The following USH2A variants were observed in gnomAD, a reference collection of about 807,000 sequenced individuals.
The protein encoded by USH2A is Usher syndrome 2A (autosomal recessive, mild).
USH2A carries 443 observed loss-of-function variants against 538.9 expected under a neutral mutation model. That is an observed-to-expected ratio of 0.82 (90% CI 0.76 to 0.89). The LOEUF (loss-of-function observed/expected upper bound fraction) is 0.89, where lower values mean the gene tolerates loss of function less well. Ranked by LOEUF, USH2A falls within the 40% of genes least tolerant of loss-of-function variation. USH2A has a pLI of 0.00. For missense variants in USH2A, 6,633 were observed against 6,324.8 expected (o/e 1.05, Z -1.65); for synonymous variants, 2,413 against 2,273.5 (o/e 1.06, Z -1.75).
At position 215,697,713 on chromosome 1, in the gene USH2A, G is replaced by A. The variant is rs191378989; in HGVS notation, c.12067-17337C>T. On this transcript the variant is annotated intron_variant, in intron 61 of 71. Coordinates refer to ENST00000307340, the MANE Select transcript of USH2A (RefSeq NM_206933.4). ...ATTTTGTATTTTTAGTAGAGATGGC[G>A]TTTCTCCATGTTGGTCAGGCTGGTC... Among the ~76,000 whole-genome samples, 13 of 152,160 alleles carry A rather than the reference G, an allele frequency of 8.5e-5. No individual in the cohort carries two copies. In the East Asian group the frequency reaches 1.2e-3, roughly 14 times the overall value.
intron 3 of USH2A, among the ~76,000 whole-genome samples, chr1:216,401,795 C>T (rs1336801225): frequency 4.6e-5 from 7 of 152,014 alleles, no homozygotes. Context: ...CTTTAACATG[C>T]ATGAAGCAAG....
At chr1:215,979,424 G>A (rs1333530739) in intron 35 of USH2A, among the ~76,000 whole-genome samples, 2 of 152,134 alleles carry the variant, frequency 1.3e-5, no homozygotes, top group Admixed American at 6.6e-5. Context: ...ATGCACAGGA[G>A]ACCATTAGTG....
At chr1:216,341,945 T>C (rs1450873447) in intron 4 of USH2A, among the ~76,000 whole-genome samples, 1 of 152,086 alleles carries the variant, frequency 6.6e-6, no homozygotes, top group African/African-American at 2.4e-5. Context: ...GGCAAAGATT[T>C]CATGTCAAAA....
chr1:215,659,344 G>A (rs1398814550), intron 64 of USH2A, among the ~76,000 whole-genome samples: 1 of 152,150 alleles, frequency 6.6e-6, no homozygotes, highest in African/African-American at 2.4e-5. Flanking sequence ...AGGCCAGTGT[G>A]GCTGACCTTA....
At chr1:215,987,890 T>TA (rs1165155820) in intron 35 of USH2A, among the ~76,000 whole-genome samples, 3 of 152,194 alleles carry the variant, frequency 2.0e-5, no homozygotes, top group African/African-American at 7.2e-5. Flanking sequence ...CACCCTTGTT[T>TA]AAAAAATGCA....
At chr1:216,394,671 A>G (rs2039173333) in intron 3 of USH2A, among the ~76,000 whole-genome samples, 3 of 151,432 alleles carry the variant, frequency 2.0e-5, no homozygotes, top group Admixed American at 1.3e-4. Context: ...CTAAATTGTC[A>G]ATTTGTCATA....
chr1:216,194,857 G>T (rs945879525), intron 19 of USH2A, among the ~76,000 whole-genome samples: 5 of 152,166 alleles, frequency 3.3e-5, no homozygotes, highest in Admixed American at 3.3e-4. Flanking sequence ...AGGCGGAAAG[G>T]GCTCTGCACC....
In USH2A at chr1:216,381,200, G is replaced by C. The variant is rs370634355; in HGVS notation, c.652-16115C>G. Reference sequence around the variant, plus strand: ...AAGAGGGAGAGGGAAAAGTGTACAAGCTAGAAGCAACTGAATAAGGCAAAC... The same window carrying C: ...AAGAGGGAGAGGGAAAAGTGTACAACCTAGAAGCAACTGAATAAGGCAAAC... On this transcript the variant is annotated intron_variant, in intron 3 of 71. Transcript: ENST00000307340. Among the ~76,000 whole-genome samples the C allele has an allele frequency of 1.9e-3, 283 of 152,144 alleles. 14 individuals are homozygous for C. In the South Asian group the frequency reaches 0.057, roughly 31 times the overall value.
intron 11 of USH2A, among the ~76,000 whole-genome samples, chr1:216,283,935 C>T (rs2036833704): frequency 6.6e-6 from 1 of 152,004 alleles, no homozygotes; most frequent in African/African-American, 2.4e-5. Context: ...CATGTTGGTG[C>T]CATAGCTTGG....
At chr1:215,788,099 T>C (rs1661856080) in intron 51 of USH2A, among the ~76,000 whole-genome samples, 1 of 152,006 alleles carries the variant, frequency 6.6e-6, no homozygotes, top group Admixed American at 6.6e-5. Context: ...AAAGCCCAAC[T>C]AAATGACAGT....
Position 216,325,614 on chromosome 1 carries a change from AG to A in USH2A, c.849-16del. The A allele has an allele frequency of 6.2e-7, 1 of 1,611,566 alleles. No homozygotes were observed. The highest frequency in any genetic ancestry group is 8.5e-7 in the Non-Finnish European group (1 of 1,179,064). ...CCAGAATCTCTCTGTGGGAGTCAAGAGGGAGACTGTAAGGACAAAGAGCTTA... is the reference window on the plus strand; with the variant it reads ...CCAGAATCTCTCTGTGGGAGTCAAGAGGAGACTGTAAGGACAAAGAGCTTA... On this transcript the variant is annotated splice_polypyrimidine_tract_variant and intron_variant, in intron 5 of 71. Coordinates refer to ENST00000307340, the MANE Select transcript of USH2A (RefSeq NM_206933.4).
chr1:215,889,171 G>T, intron 40 of USH2A, 117 bp from the exon 41 acceptor site: 1 of 1,221,054 alleles, frequency 8.2e-7, no homozygotes, highest in Non-Finnish European at 1.2e-6. Flanking sequence ...CTTGGTAAAG[G>T]CCAATAAGTA....
chr1:216,165,784 G>A (rs2034155223), intron 21 of USH2A, among the ~76,000 whole-genome samples: 1 of 147,406 alleles, frequency 6.8e-6, no homozygotes, highest in Admixed American at 6.9e-5. Context: ...CAGTCTACAT[G>A]AAACATAGAT....
intron 14 of USH2A, among the ~76,000 whole-genome samples, chr1:216,221,148 C>A (rs1230036308): frequency 6.6e-6 from 1 of 152,062 alleles, no homozygotes; most frequent in African/African-American, 2.4e-5. Flanking sequence ...GATAGGACAC[C>A]GGAGATTAAT....
In USH2A at chr1:216,251,108, A is replaced by G; in HGVS notation, c.1972-10T>C. 2 of 1,613,736 alleles carry G rather than the reference A, an allele frequency of 1.2e-6. No homozygotes were observed. Among genetic ancestry groups the G allele is most frequent in the Non-Finnish European group, 1.7e-6 (2 of 1,179,814 alleles). On this transcript the variant is annotated splice_polypyrimidine_tract_variant and intron_variant, in intron 11 of 71. Transcript: ENST00000307340. Reference sequence around the variant, plus strand: ...TACACTGTCCTCCAATCTAGAGAAGATACAACATTTTGTAGAATGATGAAC... The same window carrying G: ...TACACTGTCCTCCAATCTAGAGAAGGTACAACATTTTGTAGAATGATGAAC...
intron 3 of USH2A, among the ~76,000 whole-genome samples, chr1:216,366,858 G>C (rs2038610162): frequency 6.6e-6 from 1 of 152,062 alleles, no homozygotes; most frequent in Non-Finnish European, 1.5e-5. Flanking sequence ...TAGTAGGGCT[G>C]CATTTTTTTT....
At chr1:215,997,497 T>C (rs1668168080) in intron 34 of USH2A, among the ~76,000 whole-genome samples, 1 of 152,046 alleles carries the variant, frequency 6.6e-6, no homozygotes, top group East Asian at 1.9e-4. Context: ...GGTCACACAG[T>C]TTGTAGTAAA....
chr1:215,673,364 A>G (rs1657886990), intron 63 of USH2A, among the ~76,000 whole-genome samples: 1 of 152,126 alleles, frequency 6.6e-6, no homozygotes, highest in African/African-American at 2.4e-5. Flanking sequence ...GATTCTGTTC[A>G]TTTTACTAAA....
intron 32 of USH2A, among the ~76,000 whole-genome samples, chr1:216,014,010 A>C (rs1668642041): frequency 6.6e-6 from 1 of 152,188 alleles, no homozygotes; most frequent in African/African-American, 2.4e-5. Flanking sequence ...TCCATCCCAA[A>C]GTGGATTATT....
Sources: allele counts gnomAD v4.1 joint callset (sites outside exome capture counted in the v4.1 genomes callset), GRCh38; gene constraint gnomAD v4.1.1; transcripts MANE v1.5; gene names NCBI Gene and HGNC (gene_info 2026-07-23, HGNC 2026-07-21).